The following FOXP2 variants were observed in gnomAD, a reference collection of about 807,000 sequenced individuals.
FOXP2 encodes the protein forkhead box P2, also known as forkhead box protein P2.
In FOXP2, 12 loss-of-function variants were observed where a neutral mutation model predicts 115.8. The observed-to-expected ratio is 0.10, with a 90% CI of 0.07 to 0.17. The LOEUF (loss-of-function observed/expected upper bound fraction) is 0.17, where lower values mean the gene tolerates loss of function less well. Ranked by LOEUF, FOXP2 falls within the 10% of genes least tolerant of loss-of-function variation. The probability of loss-of-function intolerance (pLI) is 1.00; values close to 1 mark genes in which losing one functional copy is unlikely to be tolerated. For synonymous variants in FOXP2, 328 were observed against 297.7 expected, an observed-to-expected ratio of 1.10 and a Z score of -1.05; for missense variants, 629 against 843.5, an observed-to-expected ratio of 0.75 and a Z score of 3.15.
intron 1 of FOXP2, among the ~76,000 whole-genome samples, chr7:114,131,402 GC>G (rs1733046634): frequency 6.6e-6 from 1 of 152,072 alleles, no homozygotes; most frequent in Admixed American, 6.5e-5. Context: ...GCCCCCTTAT[GC>G]CCATGCACAC....
At chr7:114,319,850 G>A (rs994900910) in intron 2 of FOXP2, among the ~76,000 whole-genome samples, 1 of 152,116 alleles carries the variant, frequency 6.6e-6, no homozygotes, top group African/African-American at 2.4e-5. Flanking sequence ...TTATAATTGG[G>A]TATTGTCATG....
chr7:114,330,774 C>G (rs1797689224), intron 2 of FOXP2, among the ~76,000 whole-genome samples: 1 of 151,872 alleles, frequency 6.6e-6, no homozygotes, highest in Non-Finnish European at 1.5e-5. Context: ...AAGGAAAAAA[C>G]AGTAAATCCG....
intron 3 of FOXP2, among the ~76,000 whole-genome samples, chr7:114,598,037 T>C (rs909287884): frequency 6.6e-6 from 1 of 152,146 alleles, no homozygotes; most frequent in African/African-American, 2.4e-5. Flanking sequence ...ACTAAATAGT[T>C]ATGTTCATGT....
chr7:114,172,200 A>C (rs771397310), intron 1 of FOXP2, among the ~76,000 whole-genome samples: 11 of 152,194 alleles, frequency 7.2e-5, no homozygotes, highest in Non-Finnish European at 1.6e-4. Context: ...TATGCACTGA[A>C]AATACCAAAG....
intron 1 of FOXP2, among the ~76,000 whole-genome samples, chr7:114,228,010 G>GC (rs2129165231): frequency 6.6e-6 from 1 of 152,122 alleles, no homozygotes; most frequent in African/African-American, 2.4e-5. Flanking sequence ...TACTTTGAAA[G>GC]CAAAAGTATG....
intron 1 of FOXP2, among the ~76,000 whole-genome samples, chr7:114,097,058 A>T (rs970062762): frequency 6.6e-6 from 1 of 152,160 alleles, no homozygotes; most frequent in East Asian, 1.9e-4. Flanking sequence ...TACTTTTATT[A>T]TGGTTTATTA....
At chr7:114,299,302 C>T (rs1326702111) in intron 2 of FOXP2, among the ~76,000 whole-genome samples, 2 of 151,994 alleles carry the variant, frequency 1.3e-5, no homozygotes, top group Non-Finnish European at 2.9e-5. Flanking sequence ...TGTTAGTTGT[C>T]ATTCCAACAT....
At chr7:114,244,017 G>C (rs966529556) in intron 1 of FOXP2, among the ~76,000 whole-genome samples, 42 of 151,602 alleles carry the variant, frequency 2.8e-4, no homozygotes, top group African/African-American at 9.7e-4. Context: ...AGTTTTCATA[G>C]TACCTGTTTT....
At chr7:114,686,015 A>G (rs1383278124) in intron 16 of FOXP2, among the ~76,000 whole-genome samples, 1 of 151,936 alleles carries the variant, frequency 6.6e-6, no homozygotes, top group Non-Finnish European at 1.5e-5. Flanking sequence ...CGTCTTCACC[A>G]TATAACACTA....
intron 1 of FOXP2, among the ~76,000 whole-genome samples, chr7:114,197,075 G>A (rs891714811): frequency 1.3e-5 from 2 of 152,140 alleles, no homozygotes; most frequent in African/African-American, 4.8e-5. Flanking sequence ...GCATGCACCT[G>A]TGATCTCAGC....
intron 3 of FOXP2, among the ~76,000 whole-genome samples, chr7:114,616,967 T>G (rs1803985023): frequency 6.6e-6 from 1 of 152,180 alleles, no homozygotes; most frequent in African/African-American, 2.4e-5. Flanking sequence ...ACACCTGTAG[T>G]CCTGCCTACT....
intron 5 of FOXP2, among the ~76,000 whole-genome samples, chr7:114,630,375 T>TGCA (rs1804835407): frequency 6.6e-6 from 1 of 152,176 alleles, no homozygotes; most frequent in African/African-American, 2.4e-5. Context: ...TGGCCTATTG[T>TGCA]TGGGGATAGG....
At chr7:114,483,722 A>G (rs1562953244) in intron 2 of FOXP2, among the ~76,000 whole-genome samples, 1 of 151,794 alleles carries the variant, frequency 6.6e-6, no homozygotes, top group Non-Finnish European at 1.5e-5. Context: ...CTTTGACATC[A>G]AAGACTGTGT....
chr7:114,412,756 G>A (rs985784302), upstream of FOXP2, among the ~76,000 whole-genome samples: 3 of 152,060 alleles, frequency 2.0e-5, no homozygotes, highest in Non-Finnish European at 2.9e-5. Flanking sequence ...GAGGCTGTCC[G>A]CTTTGTGTCT....
chr7:114,408,740 AAAAT>A (rs569530031), intron 2 of FOXP2, among the ~76,000 whole-genome samples: 12 of 151,992 alleles, frequency 7.9e-5, no homozygotes, highest in Non-Finnish European at 1.2e-4. Context: ...AACATAAATA[AAAAT>A]AAATAAATAA....
intron 1 of FOXP2, among the ~76,000 whole-genome samples, chr7:114,205,575 AG>A (rs1794180016): frequency 6.6e-6 from 1 of 152,224 alleles, no homozygotes; most frequent in African/African-American, 2.4e-5. Flanking sequence ...TTAGTAAGTC[AG>A]GTCATATATT....
intron 2 of FOXP2, among the ~76,000 whole-genome samples, chr7:114,397,305 G>A (rs905175174): frequency 2.0e-5 from 3 of 151,860 alleles, no homozygotes; most frequent in African/African-American, 4.8e-5. Context: ...ATCCCATACC[G>A]ATCACTATAC....
At chr7:114,508,555 T>C (rs1448879911) in intron 2 of FOXP2, among the ~76,000 whole-genome samples, 1 of 151,982 alleles carries the variant, frequency 6.6e-6, no homozygotes, top group African/African-American at 2.4e-5. Context: ...GAAATCTCCT[T>C]AGGGATACCA....
chr7:114,200,217 A>G (rs1381334157), intron 1 of FOXP2, among the ~76,000 whole-genome samples: 2 of 152,216 alleles, frequency 1.3e-5, no homozygotes, highest in East Asian at 3.9e-4. Flanking sequence ...TAAGAAAGCA[A>G]CAATTCAATC....
Sources: gnomAD v4.1 joint callset for allele counts (sites outside exome capture counted in the v4.1 genomes callset) on GRCh38, gnomAD v4.1.1 for gene constraint, MANE v1.5 for transcripts, NCBI Gene and HGNC (gene_info 2026-07-23, HGNC 2026-07-21) for gene names.